Variants in XKR6 observed in about 807,000 individuals in gnomAD.
The protein encoded by XKR6 is XK-related protein 6.
A neutral mutation model predicts 56.7 loss-of-function variants in XKR6; 22 were observed. The observed-to-expected ratio is 0.39, with a 90% CI of 0.28 to 0.55. The LOEUF (loss-of-function observed/expected upper bound fraction) is 0.55. Ranked by LOEUF, XKR6 falls within the 20% of genes least tolerant of loss-of-function variation. The pLI, the probability that XKR6 is intolerant of heterozygous loss-of-function variation, is 0.66. For synonymous variants in XKR6, 524 were observed against 387.8 expected, an observed-to-expected ratio of 1.35 and a Z score of -4.13; for missense variants, 852 against 889.0, an observed-to-expected ratio of 0.96 and a Z score of 0.53.
intron 2 of XKR6, among the ~76,000 whole-genome samples, chr8:10,919,014 C>A (rs558376543): frequency 6.6e-6 from 1 of 152,210 alleles, no homozygotes; most frequent in Non-Finnish European, 1.5e-5. Context: ...GCAAGCCTGG[C>A]GGTGTGCTTT....
At chr8:11,124,833 C>T (rs984980214) in intron 1 of XKR6, 1 of 151,912 alleles carries the variant, frequency 6.6e-6, no homozygotes, top group Non-Finnish European at 1.5e-5. Context: ...GCCTGTAATC[C>T]CAGCACTTTC....
intron 1 of XKR6, among the ~76,000 whole-genome samples, chr8:11,019,268 G>A (rs1004470085): frequency 1.3e-5 from 2 of 152,112 alleles, no homozygotes; most frequent in Non-Finnish European, 2.9e-5. Flanking sequence ...TCTCCTCTCT[G>A]ACTTGCTTTC....
intron 1 of XKR6, among the ~76,000 whole-genome samples, chr8:10,949,803 G>C (rs1224170149): frequency 6.6e-6 from 1 of 152,172 alleles, no homozygotes; most frequent in East Asian, 1.9e-4. Context: ...GTTGGGTGGG[G>C]GAGGGTACGA....
At position 11,201,454 on chromosome 8, in the gene XKR6, A is replaced by C; in HGVS notation, c.-115T>G. 2.1e-6 allele frequency: 1 copy of C among 480,782 alleles called. No homozygotes were observed. The highest frequency in any genetic ancestry group is 3.6e-6 in the Non-Finnish European group (1 of 279,738). The allele number at this position is 480,782 out of a possible 1,614,324, so 29.8% of individuals were successfully genotyped here. A position where few individuals can be genotyped will look rare whatever the true frequency, so the allele number is the denominator to read the frequency against. On this transcript the variant is annotated 5_prime_UTR_variant, in exon 1 of 3. Coordinates refer to ENST00000416569, the MANE Select transcript of XKR6 (RefSeq NM_173683.4). ...ATGGAGAGGAAGGGGGGCGGGGAGG[A>C]AGCGGGGGAGCAAACGAACGAGGGG...
intron 1 of XKR6, among the ~76,000 whole-genome samples, chr8:11,084,835 C>T (rs1797835034): frequency 6.6e-6 from 1 of 152,196 alleles, no homozygotes; most frequent in African/African-American, 2.4e-5. Context: ...AGGTTACTCA[C>T]ACTCGATGGG....
intron 1 of XKR6, among the ~76,000 whole-genome samples, chr8:11,086,157 T>TTAA (rs1491345169): frequency 1.9e-3 from 281 of 148,010 alleles, no homozygotes; most frequent in African/African-American, 3.9e-3. Context: ...TATTTTTTTT[T>TTAA]AAAAAAAACA....
chr8:10,954,403 C>T (rs1409682196), intron 1 of XKR6, among the ~76,000 whole-genome samples: 1 of 152,202 alleles, frequency 6.6e-6, no homozygotes, highest in Non-Finnish European at 1.5e-5. Context: ...TTGTATTTCC[C>T]TAAAGATTAA....
intron 1 of XKR6, among the ~76,000 whole-genome samples, chr8:11,152,659 T>C (rs1000773059): frequency 6.6e-6 from 1 of 152,218 alleles, no homozygotes; most frequent in Non-Finnish European, 1.5e-5. Context: ...ATTTCACTCA[T>C]CTGTTTGCTT....
chr8:11,169,279 T>C (rs1802244608), intron 1 of XKR6, among the ~76,000 whole-genome samples: 1 of 152,182 alleles, frequency 6.6e-6, no homozygotes, highest in Non-Finnish European at 1.5e-5. Context: ...TGCTCCTTAA[T>C]TTTCTTAGTC....
rs143418917 is a variant in XKR6, at chr8:11,201,812, T to G, written c.-473A>C. Among the ~76,000 whole-genome samples, 35 of 151,970 alleles carry G rather than the reference T, an allele frequency of 2.3e-4. No individual in the cohort carries two copies. In the East Asian group the frequency reaches 6.2e-3, roughly 27 times the overall value. On this transcript the variant is annotated 5_prime_UTR_variant, in exon 1 of 3. Transcript: ENST00000416569. Reference sequence around the variant, plus strand: ...TCAGCGTCGCAGCTCACAGCTTTCCTCCTGGAGAAACGCCCCCTAACACCC... The same window carrying G: ...TCAGCGTCGCAGCTCACAGCTTTCCGCCTGGAGAAACGCCCCCTAACACCC...
In XKR6 at chr8:10,924,696, G is replaced by A. The variant is rs1214382569; in HGVS notation, c.899C>T (p.Ala300Val). 2.5e-6 allele frequency: 4 copies of A among 1,613,268 alleles called. No homozygotes were observed. Among genetic ancestry groups the A allele is most frequent in the Non-Finnish European group, 3.4e-6 (4 of 1,179,972 alleles). ...LRLLETFLESAPQLVLQLYIM... is the reference protein window; with the variant it reads ...LRLLETFLESVPQLVLQLYIM... The stretch of plus-strand genomic sequence containing the variant: ...GTAGAGCTGTAGCACCAGTTGGGGC[G>A]CGCTCTCCAGGAAGGTCTCCAGGAG... Residue 300 changes from alanine to valine, a missense_variant, in exon 2 of 3, where the codon GCG (alanine) becomes GTG (valine). This residue lies in a region of XKR6 where 199 missense variants were observed against 280.4 expected (regional missense o/e 0.71). Transcript: ENST00000416569.
chr8:10,903,581 C>T (rs995839630), intron 2 of XKR6, among the ~76,000 whole-genome samples: 11 of 152,052 alleles, frequency 7.2e-5, no homozygotes, highest in Non-Finnish European at 1.3e-4. Flanking sequence ...GAGATAGGGC[C>T]TTTAAAGAGG....
chr8:10,928,979 T>C (rs1342525312), intron 1 of XKR6, among the ~76,000 whole-genome samples: 6 of 152,310 alleles, frequency 3.9e-5, no homozygotes, highest in East Asian at 1.9e-4. Context: ...CGTGTCCTCA[T>C]GGAGCACAGT....
chr8:11,195,251 G>C (rs1010777777), intron 1 of XKR6: 1 of 691,870 alleles, frequency 1.4e-6, no homozygotes, highest in Non-Finnish European at 2.6e-6. Flanking sequence ...AATCACCCTA[G>C]TGTTTTTACA....
At position 11,201,297 on chromosome 8, in the gene XKR6, C is replaced by T. The variant is rs1804222140; in HGVS notation, c.43G>A (p.Ala15Thr). 1 of 1,574,068 alleles carries T rather than the reference C, an allele frequency of 6.4e-7. No homozygotes were observed. The highest frequency in any genetic ancestry group is 1.4e-5 in the African/African-American group (1 of 71,962). ...GCCTCGTCCAGGTTGTGCAGCTGAG[C>T]GAAGCCCACCCCCACGCCACCGCCA... is the stretch of plus-strand genomic sequence containing the variant. ...SDGGGVGVGF[A>T]QLHNLDEAVG... is the part of the protein sequence containing the mutation. Residue 15 changes from alanine to threonine, a missense_variant, in exon 1 of 3, where the codon GCT becomes ACT. Coordinates refer to ENST00000416569, the MANE Select transcript of XKR6 (RefSeq NM_173683.4).
At chr8:11,030,558 C>A (rs1438214856) in intron 1 of XKR6, among the ~76,000 whole-genome samples, 1 of 152,162 alleles carries the variant, frequency 6.6e-6, no homozygotes, top group East Asian at 1.9e-4. Flanking sequence ...CTAGCATGTG[C>A]CCGAGTGCCA....
intron 1 of XKR6, chr8:11,194,875 T>C (rs1316313753): frequency 2.1e-6 from 1 of 470,560 alleles, no homozygotes; most frequent in East Asian, 3.6e-5. Context: ...TGACACTTTG[T>C]TTCTGGATCC....
intron 1 of XKR6, among the ~76,000 whole-genome samples, chr8:10,998,266 T>TACAC (rs572940448): frequency 2.9e-4 from 44 of 150,824 alleles, no homozygotes; most frequent in Non-Finnish European, 5.5e-4. Flanking sequence ...AAGGAGTGGC[T>TACAC]ACACACACAC....
In XKR6 at chr8:10,973,670, C is replaced by T. The variant is rs371575505; in HGVS notation, c.765-48840G>A. On this transcript the variant is annotated intron_variant, in intron 1 of 2. Coordinates refer to ENST00000416569, the MANE Select transcript of XKR6 (RefSeq NM_173683.4). ...TCTCAGCTCACTGCACAACCTCCACCTCCGGGGCTCAAAGGATCCTCCACC... is the reference window on the plus strand; with the variant it reads ...TCTCAGCTCACTGCACAACCTCCACTTCCGGGGCTCAAAGGATCCTCCACC... Among the ~76,000 whole-genome samples the T allele has an allele frequency of 4.6e-5, 7 of 152,276 alleles. No homozygotes were observed. In the East Asian group the frequency reaches 7.7e-4, roughly 17 times the overall value.
Sources: gnomAD v4.1 joint callset for allele counts (sites outside exome capture counted in the v4.1 genomes callset) on GRCh38, gnomAD v4.1.1 for gene constraint, gnomAD v4.1.1 regional missense constraint, MANE v1.5 for transcripts, NCBI Gene and HGNC (gene_info 2026-07-23, HGNC 2026-07-21) for gene names.